Variants in MDGA1 observed in about 807,000 individuals in gnomAD.
MDGA1 encodes MAM domain containing glycosylphosphatidylinositol anchor 1, also known as MAM domain-containing glycosylphosphatidylinositol anchor protein 1.
MDGA1 carries 54 observed loss-of-function variants against 101.5 expected under a neutral mutation model. The observed-to-expected ratio is 0.53, with a 90% confidence interval of 0.43 to 0.67. The LOEUF is 0.67. MDGA1 is among the 30% of genes least tolerant of loss of function. The pLI, the probability that MDGA1 is intolerant of heterozygous loss-of-function variation, is 0.00. For synonymous variants in MDGA1, 533 were observed against 558.3 expected (o/e 0.95, Z 0.64); for missense variants, 1,083 against 1,323.8 (o/e 0.82, Z 2.82).
At chr6:37,689,380 G>A (rs981926887) in intron 1 of MDGA1, among the ~76,000 whole-genome samples, 3 of 152,038 alleles carry the variant, frequency 2.0e-5, no homozygotes, top group Non-Finnish European at 2.9e-5. Flanking sequence ...CCGATTTGTC[G>A]ATATCCCCCC....
intron 4 of MDGA1, 35 bp from the exon 5 acceptor site, chr6:37,654,967 G>T (rs1761451654): frequency 1.4e-5 from 22 of 1,609,492 alleles, no homozygotes; most frequent in Non-Finnish European, 1.8e-5. Context: ...TGAGGTGCCT[G>T]CTTGAGTCTC....
intron 8 of MDGA1, 81 bp from the exon 9 acceptor site, chr6:37,649,347 T>G: frequency 7.1e-7 from 1 of 1,404,144 alleles, no homozygotes; most frequent in South Asian, 1.5e-5. Context: ...GGCAACGCGC[T>G]CGCCTCTAAT....
chr6:37,666,370 A>G (rs1027135526), intron 1 of MDGA1, among the ~76,000 whole-genome samples: 7 of 151,756 alleles, frequency 4.6e-5, no homozygotes, highest in Admixed American at 1.3e-4. Flanking sequence ...AAAAAAAAAA[A>G]AAAAGAAAAG....
intron 2 of MDGA1, among the ~76,000 whole-genome samples, chr6:37,658,918 C>G (rs1761558274): frequency 6.8e-6 from 1 of 147,070 alleles, no homozygotes. Context: ...TTGCAGTGAG[C>G]CGAGATCAGG....
At chr6:37,656,140 C>A (rs1761482394) in intron 3 of MDGA1, among the ~76,000 whole-genome samples, 2 of 150,394 alleles carry the variant, frequency 1.3e-5, no homozygotes, top group East Asian at 1.9e-4. Context: ...TACAGTGGCA[C>A]AATCTTGGCT....
chr6:37,649,349 G>A, intron 8 of MDGA1, 83 bp from the exon 9 acceptor site: 1 of 1,395,832 alleles, frequency 7.2e-7, no homozygotes, highest in Non-Finnish European at 9.2e-7. Context: ...CAACGCGCTC[G>A]CCTCTAATGC....
Position 37,638,465 on chromosome 6 carries a change from G to C in MDGA1, c.2667+72C>G. 1.9e-6 allele frequency: 3 copies of C among 1,599,712 alleles called. No individual in the cohort carries two copies. Among genetic ancestry groups the C allele is most frequent in the South Asian group, 1.1e-5 (1 of 90,480 alleles). On this transcript the variant is annotated intron_variant, in intron 15 of 16. Coordinates refer to ENST00000434837, the MANE Select transcript of MDGA1 (RefSeq NM_153487.4). The surrounding 1 kb of genome is among the most constrained non-coding windows in gnomAD (Gnocchi z 4.8). Reference sequence around the variant, plus strand: ...CTTAGCCCCCAGGAAGAAGGACAAGGTTTTCCTAAGTGTTTCCTGGCCACA... The same window carrying C: ...CTTAGCCCCCAGGAAGAAGGACAAGCTTTTCCTAAGTGTTTCCTGGCCACA...
At chr6:37,695,609 T>C (rs900912328) in intron 1 of MDGA1, among the ~76,000 whole-genome samples, 3 of 152,138 alleles carry the variant, frequency 2.0e-5, no homozygotes, top group African/African-American at 7.2e-5. Context: ...CCCTCCAGGG[T>C]GCTTTAGCCT....
chr6:37,671,639 A>G (rs1761871138), intron 1 of MDGA1, among the ~76,000 whole-genome samples: 2 of 152,226 alleles, frequency 1.3e-5, no homozygotes. Flanking sequence ...GGAAGCCACA[A>G]ACTCTCAGGG....
intron 2 of MDGA1, among the ~76,000 whole-genome samples, chr6:37,661,304 G>A (rs777875275): frequency 6.6e-6 from 1 of 152,192 alleles, no homozygotes; most frequent in Non-Finnish European, 1.5e-5. Flanking sequence ...TGCCATCACT[G>A]TAGATTCTGT....
At chr6:37,665,291 A>G (rs1490453442) in intron 1 of MDGA1, among the ~76,000 whole-genome samples, 2 of 152,166 alleles carry the variant, frequency 1.3e-5, no homozygotes, top group Non-Finnish European at 2.9e-5. Flanking sequence ...GAGTGAAGGT[A>G]GAAGGCCTGA....
intron 5 of MDGA1, 88 bp downstream of exon 5, chr6:37,654,712 G>C: frequency 7.0e-6 from 11 of 1,570,440 alleles, no homozygotes; most frequent in Non-Finnish European, 9.6e-6. Flanking sequence ...GTGGCAGTGT[G>C]CCTGGAGTCC....
intron 3 of MDGA1, among the ~76,000 whole-genome samples, chr6:37,657,349 C>G (rs926002601): frequency 8.5e-5 from 13 of 152,196 alleles, no homozygotes; most frequent in Non-Finnish European, 1.6e-4. Flanking sequence ...AATGTTCCAG[C>G]AGCCCATCAT....
At position 37,696,837 on chromosome 6, in the gene MDGA1, C is replaced by CGAGGCGGCGCAGCCCGA. The variant is rs755778254; in HGVS notation, c.-43_-27dup. 16 of 1,554,668 alleles carry CGAGGCGGCGCAGCCCGA rather than the reference C, an allele frequency of 1.0e-5. No homozygotes were observed. In the East Asian group the frequency reaches 2.2e-4, roughly 21 times the overall value. On this transcript the variant is annotated 5_prime_UTR_variant, in exon 1 of 17. It removes the in-frame stop codon of an upstream open reading frame in the 5' UTR. Transcript: ENST00000434837. The surrounding 1 kb of genome is among the most constrained non-coding windows in gnomAD (Gnocchi z 5.6). ...CTTCACGGCCGGTGCTTCATCCCCG[C>CGAGGCGGCGCAGCCCGA]GAGGCGGCGCAGCCCGAGAGGCGGC...
chr6:37,660,034 CTCT>C (rs907956834), intron 2 of MDGA1, among the ~76,000 whole-genome samples: 3 of 72,398 alleles, frequency 4.1e-5, no homozygotes, highest in South Asian at 1.5e-3. Flanking sequence ...CTTTATCTCT[CTCT>C]TTTTTTTTTT....
chr6:37,646,102 G>A (rs1431391295), intron 11 of MDGA1, 96 bp downstream of exon 11: 1 of 1,555,442 alleles, frequency 6.4e-7, no homozygotes, highest in Non-Finnish European at 8.8e-7. Flanking sequence ...AGTACACGGT[G>A]GGGAACCCCA....
At chr6:37,676,246 C>A (rs565451233) in intron 1 of MDGA1, among the ~76,000 whole-genome samples, 4 of 152,198 alleles carry the variant, frequency 2.6e-5, no homozygotes, top group Middle Eastern at 3.2e-3. Context: ...AGGGTAGGAC[C>A]GGAGACACAC....
intron 5 of MDGA1, 22 bp downstream of exon 5, chr6:37,654,778 A>G (rs764393207): frequency 1.7e-5 from 27 of 1,613,282 alleles, no homozygotes; most frequent in Non-Finnish European, 2.3e-5. Flanking sequence ...GGGAAGGAGT[A>G]TGGGGAGGAA....
chr6:37,656,658 C>A (rs900374521), intron 3 of MDGA1, among the ~76,000 whole-genome samples: 19 of 152,234 alleles, frequency 1.2e-4, no homozygotes, highest in Non-Finnish European at 2.2e-4. Flanking sequence ...CAGGTGTGAA[C>A]CACTGCATCC....
Sources: gnomAD v4.1 joint callset for allele counts (sites outside exome capture counted in the v4.1 genomes callset) on GRCh38, gnomAD v4.1.1 for gene constraint, Gnocchi (gnomAD v3.1) non-coding constraint, MANE v1.5 for transcripts, NCBI Gene and HGNC (gene_info 2026-07-23, HGNC 2026-07-21) for gene names.